The following SLC9A9 variants were observed in gnomAD, a reference collection of about 807,000 sequenced individuals.
The protein encoded by SLC9A9 is solute carrier family 9 member A9.
A neutral mutation model predicts 77.8 loss-of-function variants in SLC9A9; 62 were observed. The ratio of observed to expected loss-of-function variants is 0.80; its 90% CI spans 0.65 to 0.98. The LOEUF (loss-of-function observed/expected upper bound fraction) is 0.98. Ranked by LOEUF, SLC9A9 falls within the 50% of genes least tolerant of loss-of-function variation. The pLI is 0.00. For synonymous variants in SLC9A9, 320 were observed against 283.5 expected, an observed-to-expected ratio of 1.13 and a Z score of -1.29; for missense variants, 775 against 774.9, an observed-to-expected ratio of 1.00 and a Z score of 0.00.
intron 14 of SLC9A9, among the ~76,000 whole-genome samples, chr3:143,350,400 A>AT (rs1169524944): frequency 6.6e-6 from 1 of 152,136 alleles, no homozygotes; most frequent in Non-Finnish European, 1.5e-5. Context: ...CTGATTCCTC[A>AT]TTATTTACTG....
intron 6 of SLC9A9, among the ~76,000 whole-genome samples, chr3:143,584,774 C>G (rs2037514528): frequency 6.6e-6 from 1 of 152,196 alleles, no homozygotes; most frequent in African/African-American, 2.4e-5. Flanking sequence ...TGGTCAAATC[C>G]CATTACTGAG....
At chr3:143,834,855 T>C (rs565292377) in intron 1 of SLC9A9, among the ~76,000 whole-genome samples, 3 of 152,222 alleles carry the variant, frequency 2.0e-5, no homozygotes, top group Admixed American at 6.5e-5. Flanking sequence ...GTAATATCCA[T>C]GAAAATGTAC....
intron 4 of SLC9A9, among the ~76,000 whole-genome samples, chr3:143,742,403 T>C (rs759573289): frequency 1.3e-4 from 20 of 152,190 alleles, no homozygotes; most frequent in Non-Finnish European, 2.5e-4. Flanking sequence ...GCAATTCCCC[T>C]GTCTTGATGA....
At chr3:143,748,241 CTGTT>C (rs1935242956) in intron 4 of SLC9A9, among the ~76,000 whole-genome samples, 2 of 152,206 alleles carry the variant, frequency 1.3e-5, no homozygotes, top group Non-Finnish European at 2.9e-5. Context: ...TATGCGGGCT[CTGTT>C]TGTGCTCTTA....
chr3:143,553,897 G>A (rs1055133339), intron 8 of SLC9A9, among the ~76,000 whole-genome samples: 1 of 152,152 alleles, frequency 6.6e-6, no homozygotes, highest in African/African-American at 2.4e-5. Flanking sequence ...ATTTTAAAAA[G>A]CAACAAATAC....
intron 9 of SLC9A9, chr3:143,517,939 T>G: frequency 6.8e-7 from 1 of 1,478,668 alleles, no homozygotes; most frequent in East Asian, 2.3e-5. Flanking sequence ...CTCCCATTTC[T>G]TAAGGAGCAT....
At chr3:143,312,714 G>C (rs2031062296) in intron 14 of SLC9A9, among the ~76,000 whole-genome samples, 1 of 152,142 alleles carries the variant, frequency 6.6e-6, no homozygotes, top group South Asian at 2.1e-4. Context: ...ACAGTGTTTG[G>C]CCACCACCTG....
intron 6 of SLC9A9, among the ~76,000 whole-genome samples, chr3:143,593,281 A>T (rs376498044): frequency 2.0e-5 from 3 of 152,222 alleles, no homozygotes; most frequent in South Asian, 2.1e-4. Context: ...TTTTATAGCA[A>T]ATCTCTCATT....
rs767268711 is a variant in SLC9A9, at chr3:143,382,044, G to T, written c.1524+16C>A. 6.8e-6 allele frequency: 11 copies of T among 1,613,832 alleles called. No individual in the cohort carries two copies. Among genetic ancestry groups the T allele is most frequent in the South Asian group, 1.1e-5 (1 of 91,064 alleles). On this transcript the variant is annotated intron_variant, in intron 13 of 15. Transcript: ENST00000316549. ...ATCATATCTCTATATAATGTGCATT[G>T]GTTTCTTTGACTTGCCTGGTGTTGT...
chr3:143,756,489 T>A (rs1360827792), intron 4 of SLC9A9, among the ~76,000 whole-genome samples: 1 of 152,206 alleles, frequency 6.6e-6, no homozygotes, highest in Non-Finnish European at 1.5e-5. Flanking sequence ...ATTTCCCTTA[T>A]AATCTTTGTC....
chr3:143,637,650 C>A (rs921250273), intron 6 of SLC9A9, among the ~76,000 whole-genome samples: 6 of 152,078 alleles, frequency 3.9e-5, no homozygotes, highest in Non-Finnish European at 8.8e-5. Context: ...TAATCTATAG[C>A]TTTAGCGTAA....
chr3:143,763,131 G>T (rs541821538), intron 4 of SLC9A9, among the ~76,000 whole-genome samples: 2 of 152,216 alleles, frequency 1.3e-5, no homozygotes, highest in Non-Finnish European at 1.5e-5. Context: ...GGCTTTTGGT[G>T]GCAGCTTCTA....
chr3:143,553,613 A>G (rs2036930168), intron 8 of SLC9A9, among the ~76,000 whole-genome samples: 1 of 152,218 alleles, frequency 6.6e-6, no homozygotes, highest in South Asian at 2.1e-4. Flanking sequence ...ATATGCTTCT[A>G]TTTACATGTT....
intron 12 of SLC9A9, among the ~76,000 whole-genome samples, chr3:143,436,332 C>T (rs748779814): frequency 5.3e-5 from 8 of 152,180 alleles, no homozygotes; most frequent in Non-Finnish European, 8.8e-5. Context: ...CAGACGTTGA[C>T]GGTGAAAATT....
At chr3:143,380,911 G>A (rs766242461) in intron 13 of SLC9A9, among the ~76,000 whole-genome samples, 40 of 152,180 alleles carry the variant, frequency 2.6e-4, no homozygotes, top group Non-Finnish European at 2.1e-4. Flanking sequence ...TGAAATAAAA[G>A]AGAGGGATTC....
At chr3:143,760,811 T>G (rs2007095463) in intron 4 of SLC9A9, among the ~76,000 whole-genome samples, 1 of 152,176 alleles carries the variant, frequency 6.6e-6, no homozygotes, top group African/African-American at 2.4e-5. Context: ...AAGCTACCAA[T>G]GACTTTCTTC....
At chr3:143,298,469 C>T (rs764342012) in intron 14 of SLC9A9, among the ~76,000 whole-genome samples, 5 of 152,176 alleles carry the variant, frequency 3.3e-5, no homozygotes, top group Admixed American at 2.0e-4. Flanking sequence ...ATCTTCATTT[C>T]CCAAGTCTGA....
At chr3:143,318,053 C>A (rs2031287117) in intron 14 of SLC9A9, among the ~76,000 whole-genome samples, 1 of 152,192 alleles carries the variant, frequency 6.6e-6, no homozygotes, top group Non-Finnish European at 1.5e-5. Context: ...CTCCCCATCC[C>A]AATCTGTTTG....
chr3:143,357,211 A>G (rs759882284), intron 14 of SLC9A9, among the ~76,000 whole-genome samples: 3 of 152,168 alleles, frequency 2.0e-5, no homozygotes, highest in Non-Finnish European at 2.9e-5. Flanking sequence ...AGAGCTACCA[A>G]TGATTTTAGT....
Sources: allele counts gnomAD v4.1 joint callset (sites outside exome capture counted in the v4.1 genomes callset), GRCh38; gene constraint gnomAD v4.1.1; transcripts MANE v1.5; gene names NCBI Gene and HGNC (gene_info 2026-07-23, HGNC 2026-07-21).